Variants in SPOCK1 observed in about 807,000 individuals in gnomAD.
The protein encoded by SPOCK1 is testican-1.
A neutral mutation model predicts 55.3 loss-of-function variants in SPOCK1; 23 were observed. The observed-to-expected ratio is 0.42, with a 90% confidence interval of 0.30 to 0.59. SPOCK1 has a LOEUF of 0.59. SPOCK1 is among the 20% of genes least tolerant of loss of function. The probability of loss-of-function intolerance (pLI) is 0.22; values close to 1 mark genes in which losing one functional copy is unlikely to be tolerated. For synonymous variants in SPOCK1, 226 were observed against 221.0 expected (o/e 1.02, Z -0.20); for missense variants, 499 against 552.5 (o/e 0.90, Z 0.97).
intron 5 of SPOCK1, among the ~76,000 whole-genome samples, chr5:137,075,336 G>A (rs1752736226): frequency 6.6e-6 from 1 of 152,134 alleles, no homozygotes; most frequent in African/African-American, 2.4e-5. Flanking sequence ...GCCACTCTCA[G>A]GTGTTGCAGT....
At chr5:137,266,746 C>CT (rs11453297) in intron 3 of SPOCK1, among the ~76,000 whole-genome samples, 28,577 of 151,496 alleles carry the variant, frequency 0.19, 2,901 homozygotes, top group East Asian at 0.37. Flanking sequence ...TCAAATTTCA[C>CT]TTTTTTTTTA....
At chr5:137,460,254 G>A (rs958824622) in intron 2 of SPOCK1, among the ~76,000 whole-genome samples, 14 of 152,150 alleles carry the variant, frequency 9.2e-5, no homozygotes, top group African/African-American at 3.4e-4. Flanking sequence ...TGGGAGATCT[G>A]GCTTCTACAT....
chr5:137,391,658 C>A (rs535078233), intron 2 of SPOCK1, among the ~76,000 whole-genome samples: 2 of 152,074 alleles, frequency 1.3e-5, no homozygotes, highest in East Asian at 1.9e-4. Flanking sequence ...TCCTTCCACA[C>A]GTCTCTCCCC....
chr5:137,109,133 C>G (rs950801171), intron 5 of SPOCK1, among the ~76,000 whole-genome samples: 1 of 152,206 alleles, frequency 6.6e-6, no homozygotes, highest in African/African-American at 2.4e-5. Context: ...CTTGCCCAAA[C>G]AGTCCTGAGT....
chr5:137,162,194 A>G (rs1195823341), intron 3 of SPOCK1, among the ~76,000 whole-genome samples: 4 of 149,554 alleles, frequency 2.7e-5, no homozygotes, highest in Admixed American at 1.3e-4. Flanking sequence ...CTGGAGTACA[A>G]TGGTGGGATC....
At chr5:137,289,617 G>A (rs897964549) in intron 2 of SPOCK1, among the ~76,000 whole-genome samples, 20 of 152,166 alleles carry the variant, frequency 1.3e-4, no homozygotes, top group Admixed American at 1.2e-3. Flanking sequence ...TGCTCAACAA[G>A]AGGAGGAAAA....
chr5:136,998,654 A>C (rs1751092172), intron 6 of SPOCK1, among the ~76,000 whole-genome samples: 1 of 152,238 alleles, frequency 6.6e-6, no homozygotes, highest in South Asian at 2.1e-4. Flanking sequence ...GATGCAGGTG[A>C]GGTAGCTAGC....
intron 2 of SPOCK1, among the ~76,000 whole-genome samples, chr5:137,458,731 G>T (rs1483340746): frequency 6.6e-6 from 1 of 152,112 alleles, no homozygotes. Context: ...GTATCACATT[G>T]TCCCTTTGAG....
At chr5:137,260,390 A>G (rs963559357) in intron 3 of SPOCK1, among the ~76,000 whole-genome samples, 1 of 152,242 alleles carries the variant, frequency 6.6e-6, no homozygotes, top group African/African-American at 2.4e-5. Flanking sequence ...TACAACTATC[A>G]AAAAAGTTAC....
Position 137,393,562 on chromosome 5 carries a change from A to T in SPOCK1, c.186+104811T>A, listed in dbSNP as rs140987631. Among the ~76,000 whole-genome samples the T allele has an allele frequency of 3.9e-5, 6 of 152,360 alleles. No homozygotes were observed. In the East Asian group the frequency reaches 1.2e-3, roughly 29 times the overall value. On this transcript the variant is annotated intron_variant, in intron 2 of 10. Transcript: ENST00000394945. Reference sequence around the variant, plus strand: ...CAACAGATAGCTGGTATATACATCAAATGACATCAAGAAAAGTTCACAGCA... The same window carrying T: ...CAACAGATAGCTGGTATATACATCATATGACATCAAGAAAAGTTCACAGCA...
intron 3 of SPOCK1, among the ~76,000 whole-genome samples, chr5:137,157,249 G>A (rs1234286877): frequency 6.6e-6 from 1 of 152,194 alleles, no homozygotes; most frequent in East Asian, 1.9e-4. Flanking sequence ...AAGACAATTT[G>A]GATGGGAATG....
intron 2 of SPOCK1, among the ~76,000 whole-genome samples, chr5:137,404,734 T>G (rs563294302): frequency 2.0e-5 from 3 of 152,234 alleles, no homozygotes; most frequent in African/African-American, 7.2e-5. Context: ...ACATTTTAAA[T>G]ATCGTTGGTA....
In SPOCK1 at chr5:136,988,416, C is replaced by T; in HGVS notation, c.928+6G>A. On this transcript the variant is annotated splice_donor_region_variant and intron_variant, in intron 8 of 10. Coordinates refer to ENST00000394945, the MANE Select transcript of SPOCK1 (RefSeq NM_004598.4). ...CTAGGGACCCCAACCCTCCATCCCA[C>T]CTTACCTCCAGGCTTCTGGAAGCAG... 6.2e-7 allele frequency: 1 copy of T among 1,612,708 alleles called. No individual in the cohort carries two copies. The highest frequency in any genetic ancestry group is 8.5e-7 in the Non-Finnish European group (1 of 1,178,826).
intron 5 of SPOCK1, among the ~76,000 whole-genome samples, chr5:137,105,118 C>T (rs978464766): frequency 2.0e-5 from 3 of 152,190 alleles, no homozygotes; most frequent in African/African-American, 7.2e-5. Flanking sequence ...CAGTGCTGCA[C>T]AGATGGGAAC....
chr5:136,979,504 C>T, intron 9 of SPOCK1, 35 bp from the exon 10 acceptor site: 1 of 1,512,130 alleles, frequency 6.6e-7, no homozygotes, highest in Non-Finnish European at 8.9e-7. Context: ...TAATCAGAGA[C>T]ATGCAGATGA....
intron 3 of SPOCK1, among the ~76,000 whole-genome samples, chr5:137,192,252 A>G (rs923799493): frequency 7.3e-5 from 11 of 151,278 alleles, no homozygotes; most frequent in East Asian, 5.8e-4. Context: ...AAAAAAAAAA[A>G]AAAGAAAAGG....
intron 3 of SPOCK1, among the ~76,000 whole-genome samples, chr5:137,174,989 T>C (rs1235411394): frequency 2.0e-5 from 3 of 152,126 alleles, no homozygotes; most frequent in East Asian, 3.9e-4. Flanking sequence ...CCCAAACCCA[T>C]GTACCCGACC....
At chr5:137,319,024 A>G (rs571846031) in intron 2 of SPOCK1, among the ~76,000 whole-genome samples, 2 of 152,348 alleles carry the variant, frequency 1.3e-5, no homozygotes, top group South Asian at 4.1e-4. Flanking sequence ...CAAGCAGTGC[A>G]GTTGAAAGCT....
At chr5:137,021,126 T>C (rs1229985109) in intron 6 of SPOCK1, among the ~76,000 whole-genome samples, 2 of 152,112 alleles carry the variant, frequency 1.3e-5, no homozygotes, top group East Asian at 1.9e-4. Flanking sequence ...TTGTTTATGA[T>C]AGGGAAAACT....
Sources: gnomAD v4.1 joint callset for allele counts (sites outside exome capture counted in the v4.1 genomes callset) on GRCh38, gnomAD v4.1.1 for gene constraint, MANE v1.5 for transcripts, NCBI Gene and HGNC (gene_info 2026-07-23, HGNC 2026-07-21) for gene names.